The following PPME1 variants were observed in gnomAD, a reference collection of about 807,000 sequenced individuals.
PPME1 encodes protein phosphatase methylesterase 1, also known as testicular secretory protein Li 39.
PPME1 carries 17 observed loss-of-function variants against 56.9 expected under a neutral mutation model. That is an observed-to-expected ratio of 0.30 (90% confidence interval 0.20 to 0.45). The LOEUF is 0.45. Ranked by LOEUF, PPME1 falls within the 20% of genes least tolerant of loss-of-function variation. The probability of loss-of-function intolerance (pLI) is 1.00; values close to 1 mark genes in which losing one functional copy is unlikely to be tolerated. For synonymous variants in PPME1, 122 were observed against 156.2 expected, an observed-to-expected ratio of 0.78 and a Z score of 1.63; for missense variants, 357 against 483.2, an observed-to-expected ratio of 0.74 and a Z score of 2.45.
chr11:74,191,894 G>T (rs1857850718), intron 1 of PPME1, among the ~76,000 whole-genome samples: 1 of 152,246 alleles, frequency 6.6e-6, no homozygotes, highest in African/African-American at 2.4e-5. Context: ...CCCCTGCAGA[G>T]AAACTTTGCT....
chr11:74,208,130 G>A (rs1858375301), intron 3 of PPME1, among the ~76,000 whole-genome samples: 1 of 151,992 alleles, frequency 6.6e-6, no homozygotes, highest in Non-Finnish European at 1.5e-5. Context: ...TGGCCAACAT[G>A]GTGAAACCCC....
intron 3 of PPME1, among the ~76,000 whole-genome samples, chr11:74,219,620 C>T (rs1158418401): frequency 1.3e-5 from 2 of 152,016 alleles, no homozygotes; most frequent in Admixed American, 6.6e-5. Flanking sequence ...GAGGTCATTA[C>T]GGTAAGTGAA....
chr11:74,217,372 T>A (rs2135642227), intron 3 of PPME1, among the ~76,000 whole-genome samples: 1 of 151,918 alleles, frequency 6.6e-6, no homozygotes, highest in Middle Eastern at 3.4e-3. Context: ...TGAAACCCCG[T>A]CTCTTCTAAA....
At chr11:74,182,117 G>A (rs1857555780) in intron 1 of PPME1, among the ~76,000 whole-genome samples, 1 of 152,164 alleles carries the variant, frequency 6.6e-6, no homozygotes, top group African/African-American at 2.4e-5. Context: ...TAGAAGGAAG[G>A]TAGGTTTTAA....
chr11:74,218,162 C>T (rs968439101), intron 3 of PPME1, among the ~76,000 whole-genome samples: 1 of 151,846 alleles, frequency 6.6e-6, no homozygotes, highest in Non-Finnish European at 1.5e-5. Context: ...GAAAGTAACC[C>T]TATTTACAGT....
chr11:74,208,576 T>C (rs1858391239), intron 3 of PPME1, among the ~76,000 whole-genome samples: 1 of 152,244 alleles, frequency 6.6e-6, no homozygotes, highest in Admixed American at 6.5e-5. Flanking sequence ...TCAAAGCAGC[T>C]TAATTTATCT....
At chr11:74,192,187 A>G (rs1443388577) in intron 1 of PPME1, among the ~76,000 whole-genome samples, 3 of 152,196 alleles carry the variant, frequency 2.0e-5, no homozygotes. Flanking sequence ...CATGGAGTCA[A>G]AAGAGATTAT....
At chr11:74,234,839 G>A (rs902246891) in intron 7 of PPME1, among the ~76,000 whole-genome samples, 7 of 152,056 alleles carry the variant, frequency 4.6e-5, no homozygotes, top group Admixed American at 2.6e-4. Flanking sequence ...TGACATCCAC[G>A]AGAGAAAAAA....
At chr11:74,174,071 T>G (rs569321036) in intron 1 of PPME1, among the ~76,000 whole-genome samples, 2 of 152,350 alleles carry the variant, frequency 1.3e-5, no homozygotes, top group South Asian at 4.1e-4. Flanking sequence ...AGTAATAATA[T>G]AGATTCTCTT....
At chr11:74,202,383 C>G (rs574873301) in intron 1 of PPME1, among the ~76,000 whole-genome samples, 4 of 152,160 alleles carry the variant, frequency 2.6e-5, no homozygotes, top group African/African-American at 4.8e-5. Context: ...TGGTTCAATG[C>G]CTAGAACAGA....
intron 1 of PPME1, among the ~76,000 whole-genome samples, chr11:74,177,762 C>T (rs1032637245): frequency 4.6e-5 from 7 of 151,970 alleles, no homozygotes; most frequent in East Asian, 1.9e-4. Flanking sequence ...TTAGAATAAA[C>T]GTTTTTATGA....
intron 9 of PPME1, among the ~76,000 whole-genome samples, 180 bp downstream of exon 9, chr11:74,239,436 GACCA>G (rs1246322228): frequency 6.6e-6 from 1 of 152,130 alleles, no homozygotes; most frequent in East Asian, 1.9e-4. Context: ...TGATAGCTCT[GACCA>G]ATTGGAACAT....
At chr11:74,248,633 A>G (rs891141757) in intron 11 of PPME1, 6 of 152,244 alleles carry the variant, frequency 3.9e-5, no homozygotes, top group African/African-American at 1.4e-4. Context: ...GTTGGTAATT[A>G]TGGGCTTAGA....
rs59628316 is a variant in PPME1 at position 74,204,296 on chromosome 11, A to G, written c.196-57A>G. 7.3e-4 allele frequency: 1,000 copies of G among 1,367,508 alleles called. 7 individuals are homozygous for G. In the African/African-American group the frequency reaches 0.012, roughly 17 times the overall value. 84.7% of individuals were successfully genotyped at this position (1,367,508 alleles called of 1,614,324 possible). A position where few individuals can be genotyped will look rare whatever the true frequency, so the allele number is the denominator to read the frequency against. On this transcript the variant is annotated intron_variant, in intron 2 of 13. Coordinates refer to ENST00000328257, the MANE Select transcript of PPME1 (RefSeq NM_016147.3). Reference sequence around the variant, plus strand: ...TTTCTAGCGGTATTACTATGATTAAATAATGAAAAACTTTAGTGAGCAAAA... The same window carrying G: ...TTTCTAGCGGTATTACTATGATTAAGTAATGAAAAACTTTAGTGAGCAAAA...
In PPME1 at chr11:74,230,846, G is replaced by T; in HGVS notation, c.554-66G>T. 4 of 1,169,888 alleles carry T rather than the reference G, an allele frequency of 3.4e-6. No homozygotes were observed. The South Asian group carries it at 4.0e-5, about 12-fold the overall frequency. 72.5% of individuals were successfully genotyped at this position (1,169,888 alleles called of 1,614,324 possible). ...CATCAAGAGCAGATATATAGTAGTT[G>T]ACTCAGTAAGTGTAAATGCTCAGAA... On this transcript the variant is annotated intron_variant, in intron 6 of 13. Transcript: ENST00000328257. The surrounding 1 kb of genome is among the most constrained non-coding windows in gnomAD (Gnocchi z 4.9).
rs531599896 is a variant in PPME1 at position 74,237,219 on chromosome 11, A to C, written c.710+1253A>C. Among the ~76,000 whole-genome samples the C allele has an allele frequency of 4.0e-5, 6 of 151,620 alleles. No homozygotes were observed. The South Asian group carries it at 8.3e-4, about 21-fold the overall frequency. ...GGGTTCAGGTGTTTTGTTTGCAAGAATACTTGATAGGTGATGTTGCGTACT... is the reference window on the plus strand; with the variant it reads ...GGGTTCAGGTGTTTTGTTTGCAAGACTACTTGATAGGTGATGTTGCGTACT... On this transcript the variant is annotated intron_variant, in intron 8 of 13. Transcript: ENST00000328257.
chr11:74,235,050 C>T (rs1338712226), intron 7 of PPME1, among the ~76,000 whole-genome samples: 4 of 152,094 alleles, frequency 2.6e-5, no homozygotes, highest in Non-Finnish European at 5.9e-5. Context: ...GGTAATAGTT[C>T]TGATTGCCTC....
At chr11:74,186,195 T>C (rs1054690251) in intron 1 of PPME1, among the ~76,000 whole-genome samples, 1 of 152,210 alleles carries the variant, frequency 6.6e-6, no homozygotes, top group Non-Finnish European at 1.5e-5. Flanking sequence ...TTGAGAGTTT[T>C]CCTTGATTCT....
intron 13 of PPME1, 34 bp downstream of exon 13, chr11:74,251,749 G>C: frequency 6.2e-7 from 1 of 1,610,378 alleles, no homozygotes; most frequent in Non-Finnish European, 8.5e-7. Context: ...GAACCCAGCA[G>C]TGCTGGCCGA....
Sources: gnomAD v4.1 joint callset for allele counts (sites outside exome capture counted in the v4.1 genomes callset) on GRCh38, gnomAD v4.1.1 for gene constraint, Gnocchi (gnomAD v3.1) non-coding constraint, MANE v1.5 for transcripts, NCBI Gene and HGNC (gene_info 2026-07-23, HGNC 2026-07-21) for gene names.